Variants in CTNNA3 observed in about 807,000 individuals in gnomAD.
CTNNA3 encodes catenin alpha-3.
Under a neutral mutation model 95.7 loss-of-function variants are expected in CTNNA3, and 76 were observed. The ratio of observed to expected loss-of-function variants is 0.79; its 90% CI spans 0.66 to 0.96. The LOEUF (loss-of-function observed/expected upper bound fraction) is 0.96. Among genes scored for constraint, CTNNA3 ranks in the 40% least tolerant of loss-of-function variants. The pLI, the probability that CTNNA3 is intolerant of heterozygous loss-of-function variation, is 0.00. For synonymous variants in CTNNA3, 431 were observed against 374.4 expected (o/e 1.15, Z -1.74); for missense variants, 1,191 against 1,089.8 (o/e 1.09, Z -1.31).
intron 3 of CTNNA3, among the ~76,000 whole-genome samples, chr10:67,600,195 A>T (rs757571867): frequency 2.6e-5 from 4 of 152,110 alleles, no homozygotes; most frequent in Non-Finnish European, 5.9e-5. Context: ...CAAAAAAAAT[A>T]TGACCTCTAA....
chr10:67,656,028 G>T (rs1840015371), intron 1 of CTNNA3, among the ~76,000 whole-genome samples: 1 of 152,092 alleles, frequency 6.6e-6, no homozygotes. Flanking sequence ...ATTGAGTCTT[G>T]GCTAGAGTGA....
At chr10:67,730,862 G>A (rs886828725) in intron 1 of CTNNA3, among the ~76,000 whole-genome samples, 1 of 152,084 alleles carries the variant, frequency 6.6e-6, no homozygotes, top group Non-Finnish European at 1.5e-5. Flanking sequence ...CTGGGAAAAA[G>A]AGAAGTTCTA....
At chr10:66,076,827 G>C (rs558363846) in intron 14 of CTNNA3, among the ~76,000 whole-genome samples, 1 of 151,650 alleles carries the variant, frequency 6.6e-6, no homozygotes, top group Admixed American at 6.6e-5. Flanking sequence ...AATATGATGA[G>C]GTAGATATTA....
intron 13 of CTNNA3, among the ~76,000 whole-genome samples, chr10:66,260,129 C>T (rs576688955): frequency 1.3e-5 from 2 of 152,090 alleles, no homozygotes. Context: ...AAGTACTGAT[C>T]CACCAGGAGA....
upstream of CTNNA3, among the ~76,000 whole-genome samples, chr10:67,698,300 C>T (rs1413316521): frequency 1.3e-5 from 2 of 152,026 alleles, no homozygotes; most frequent in Admixed American, 6.6e-5. Context: ...GCAATTCTCC[C>T]GAGGTAATCA....
intron 15 of CTNNA3, among the ~76,000 whole-genome samples, chr10:66,022,770 G>C (rs978400228): frequency 1.3e-5 from 2 of 152,024 alleles, no homozygotes; most frequent in Non-Finnish European, 2.9e-5. Flanking sequence ...GCTACTATTT[G>C]GACAACTTTA....
intron 6 of CTNNA3, among the ~76,000 whole-genome samples, chr10:67,218,131 C>T (rs1864469986): frequency 1.3e-5 from 2 of 152,158 alleles, no homozygotes; most frequent in Admixed American, 1.3e-4. Flanking sequence ...ATCCAAACCA[C>T]TTCTGGTCCC....
chr10:67,700,788 C>T (rs1363791461), upstream of CTNNA3, among the ~76,000 whole-genome samples: 5 of 152,158 alleles, frequency 3.3e-5, no homozygotes, highest in East Asian at 1.9e-4. Flanking sequence ...ATGACTTTGA[C>T]GAGTTGAGAG....
At chr10:66,296,589 CTAT>C (rs2091781691) in intron 12 of CTNNA3, among the ~76,000 whole-genome samples, 2 of 131,336 alleles carry the variant, frequency 1.5e-5, no homozygotes, top group African/African-American at 3.1e-5. Context: ...ACACACAGAT[CTAT>C]ATATCTATAT....
chr10:67,388,849 C>A (rs1048498290), intron 5 of CTNNA3, among the ~76,000 whole-genome samples: 1 of 152,076 alleles, frequency 6.6e-6, no homozygotes, highest in African/African-American at 2.4e-5. Context: ...ACTTTATAGA[C>A]AAGCAAATGC....
chr10:66,220,981 G>C (rs1361439134), intron 13 of CTNNA3, among the ~76,000 whole-genome samples: 2 of 152,192 alleles, frequency 1.3e-5, no homozygotes, highest in Non-Finnish European at 2.9e-5. Context: ...GTCCAGGCTT[G>C]ATGGTAGGGC....
At chr10:67,632,161 C>CAT (rs1183792825) in intron 2 of CTNNA3, among the ~76,000 whole-genome samples, 3 of 146,416 alleles carry the variant, frequency 2.0e-5, no homozygotes, top group African/African-American at 2.5e-5. Flanking sequence ...CACACACACA[C>CAT]ACACAGTGGT....
At chr10:67,680,789 G>A in intron 1 of CTNNA3, among the ~76,000 whole-genome samples, 1 of 152,102 alleles carries the variant, frequency 6.6e-6, no homozygotes, top group East Asian at 1.9e-4. Context: ...GGACTGATTA[G>A]TTACAGATCT....
chr10:66,184,770 C>T (rs959537732), intron 13 of CTNNA3, among the ~76,000 whole-genome samples: 10 of 152,108 alleles, frequency 6.6e-5, no homozygotes, highest in African/African-American at 2.4e-4. Context: ...CAAATCAAAC[C>T]TCTTATCATT....
At chr10:66,628,620 C>T (rs569806662) in intron 9 of CTNNA3, among the ~76,000 whole-genome samples, 1 of 152,202 alleles carries the variant, frequency 6.6e-6, no homozygotes, top group East Asian at 1.9e-4. Context: ...GAGACTTGGG[C>T]TTCTTTCTGA....
At chr10:66,463,010 A>G (rs896749283) in intron 11 of CTNNA3, among the ~76,000 whole-genome samples, 1 of 152,172 alleles carries the variant, frequency 6.6e-6, no homozygotes, top group African/African-American at 2.4e-5. Flanking sequence ...AGTTTATTAA[A>G]TTGATATTTC....
intron 9 of CTNNA3, among the ~76,000 whole-genome samples, chr10:66,744,386 T>C (rs1849433009): frequency 6.6e-6 from 1 of 152,218 alleles, no homozygotes; most frequent in South Asian, 2.1e-4. Context: ...TTTGTTTTAG[T>C]GTTAGAAGCA....
chr10:66,870,153 C>A (rs1392116728), intron 7 of CTNNA3, among the ~76,000 whole-genome samples: 1 of 152,026 alleles, frequency 6.6e-6, no homozygotes, highest in Non-Finnish European at 1.5e-5. Flanking sequence ...TTTTTTTAAA[C>A]TTCATTATAT....
chr10:67,554,968 C>T (rs1025860064), intron 3 of CTNNA3, among the ~76,000 whole-genome samples: 2 of 152,186 alleles, frequency 1.3e-5, no homozygotes, highest in Admixed American at 6.5e-5. Context: ...CAGCTTTCTA[C>T]ATATGGCTAG....
Sources: allele counts gnomAD v4.1 joint callset (sites outside exome capture counted in the v4.1 genomes callset), GRCh38; gene constraint gnomAD v4.1.1; transcripts MANE v1.5; gene names NCBI Gene and HGNC (gene_info 2026-07-23, HGNC 2026-07-21).